SUSD6: variants seen among roughly 807,000 people sequenced by gnomAD.
The protein encoded by SUSD6 is sushi domain-containing protein 6.
A neutral mutation model predicts 28.4 loss-of-function variants in SUSD6; 16 were observed. That is an observed-to-expected ratio of 0.56 (90% CI 0.38 to 0.86). The LOEUF (loss-of-function observed/expected upper bound fraction) is 0.86. Among genes scored for constraint, SUSD6 ranks in the 40% least tolerant of loss-of-function variants. The pLI is 0.00. For synonymous variants in SUSD6, 147 were observed against 159.6 expected (o/e 0.92, Z 0.59); for missense variants, 341 against 384.2 (o/e 0.89, Z 0.94).
At chr14:69,677,957 G>A (rs898227678) in intron 2 of SUSD6, among the ~76,000 whole-genome samples, 1 of 152,200 alleles carries the variant, frequency 6.6e-6, no homozygotes, top group African/African-American at 2.4e-5. Context: ...TTGCCTCCCA[G>A]ATTTAATATT....
intron 1 of SUSD6, among the ~76,000 whole-genome samples, chr14:69,650,005 T>C (rs1885480389): frequency 1.3e-5 from 2 of 152,304 alleles, no homozygotes; most frequent in East Asian, 1.9e-4. Context: ...GAAACTAATA[T>C]TATTTTAGGA....
At chr14:69,662,953 G>A (rs1885684841) in intron 2 of SUSD6, among the ~76,000 whole-genome samples, 1 of 152,238 alleles carries the variant, frequency 6.6e-6, no homozygotes, top group African/African-American at 2.4e-5. Flanking sequence ...ATTGGTATGT[G>A]ACCTACTGTT....
chr14:69,686,814 A>T (rs1886080461), intron 2 of SUSD6, among the ~76,000 whole-genome samples: 1 of 152,084 alleles, frequency 6.6e-6, no homozygotes, highest in Admixed American at 6.5e-5. Flanking sequence ...TGTGGGAATT[A>T]TGGGAGCTAC....
chr14:69,687,708 A>G (rs191730440), intron 2 of SUSD6, among the ~76,000 whole-genome samples: 5 of 152,326 alleles, frequency 3.3e-5, no homozygotes, highest in Admixed American at 3.3e-4. Flanking sequence ...TTATAGCAGT[A>G]TTGTGGGCTT....
At chr14:69,671,668 T>C (rs1378559941) in intron 2 of SUSD6, among the ~76,000 whole-genome samples, 1 of 152,196 alleles carries the variant, frequency 6.6e-6, no homozygotes, top group African/African-American at 2.4e-5. Flanking sequence ...ATTCCAGGAT[T>C]TGTCCTCTTG....
chr14:69,622,837 G>A (rs1016415047), intron 1 of SUSD6, among the ~76,000 whole-genome samples: 1 of 152,146 alleles, frequency 6.6e-6, no homozygotes, highest in African/African-American at 2.4e-5. Context: ...CAAGTGATCT[G>A]CCCACTTTGG....
At chr14:69,637,958 G>C (rs1247522179) in intron 1 of SUSD6, among the ~76,000 whole-genome samples, 2 of 152,102 alleles carry the variant, frequency 1.3e-5, no homozygotes, top group Non-Finnish European at 2.9e-5. Context: ...GCTTCATCCA[G>C]GTCTTGGTTT....
intron 1 of SUSD6, among the ~76,000 whole-genome samples, chr14:69,654,066 G>A (rs779292542): frequency 1.3e-5 from 2 of 152,046 alleles, no homozygotes; most frequent in Non-Finnish European, 2.9e-5. Flanking sequence ...CACCTGTCCC[G>A]TCTTAGGCTT....
intron 1 of SUSD6, among the ~76,000 whole-genome samples, chr14:69,650,225 G>A (rs1450806021): frequency 6.6e-6 from 1 of 152,048 alleles, no homozygotes; most frequent in Admixed American, 6.6e-5. Flanking sequence ...GTCTAGTGGG[G>A]GTCAGTCACG....
At chr14:69,633,227 C>G (rs1418239731) in intron 1 of SUSD6, among the ~76,000 whole-genome samples, 2 of 152,264 alleles carry the variant, frequency 1.3e-5, no homozygotes, top group Non-Finnish European at 2.9e-5. Context: ...GCCTGTTTTT[C>G]ATGGCTGTGC....
At chr14:69,630,537 A>T (rs1048660102) in intron 1 of SUSD6, among the ~76,000 whole-genome samples, 4 of 152,222 alleles carry the variant, frequency 2.6e-5, no homozygotes, top group African/African-American at 9.6e-5. Flanking sequence ...GTGAGCTCAC[A>T]TATGTAGATG....
chr14:69,693,950 A>G (rs1007276483), intron 2 of SUSD6, among the ~76,000 whole-genome samples: 1 of 152,196 alleles, frequency 6.6e-6, no homozygotes, highest in African/African-American at 2.4e-5. Flanking sequence ...TCTGTTATTG[A>G]CTCATCTCAA....
At chr14:69,668,981 G>A (rs1885787513) in intron 2 of SUSD6, among the ~76,000 whole-genome samples, 1 of 150,244 alleles carries the variant, frequency 6.7e-6, no homozygotes, top group South Asian at 2.1e-4. Context: ...TGTACAGCTT[G>A]CAGAACCGTG....
intron 2 of SUSD6, among the ~76,000 whole-genome samples, chr14:69,684,945 A>G (rs746810493): frequency 6.7e-6 from 1 of 149,678 alleles, no homozygotes; most frequent in Non-Finnish European, 1.5e-5. Context: ...AACTGCTGGT[A>G]TATAAACTGC....
intron 1 of SUSD6, among the ~76,000 whole-genome samples, chr14:69,643,771 T>C (rs1054178120): frequency 6.6e-6 from 1 of 152,224 alleles, no homozygotes; most frequent in Non-Finnish European, 1.5e-5. Context: ...GTGTGACTCA[T>C]TGACTCTGTA....
chr14:69,684,179 C>T lies in SUSD6; in HGVS notation c.122-19216C>T, dbSNP rs146923555. On this transcript the variant is annotated intron_variant, in intron 2 of 5. Coordinates refer to ENST00000342745, the MANE Select transcript of SUSD6 (RefSeq NM_014734.4). ...GCTGGTCGTTGGAGAATGAGATTGG[C>T]CAGGAGATACTGTCCAGGTCCAAGT... Among the ~76,000 whole-genome samples, 202 of 152,310 alleles carry T rather than the reference C, an allele frequency of 1.3e-3. 2 individuals carry two copies. The highest frequency in any genetic ancestry group is 4.8e-3 in the African/African-American group (198 of 41,570).
intron 2 of SUSD6, among the ~76,000 whole-genome samples, chr14:69,697,764 G>T (rs1308887110): frequency 6.6e-6 from 1 of 152,068 alleles, no homozygotes; most frequent in Non-Finnish European, 1.5e-5. Context: ...CCTGGGTGCC[G>T]ATGAATGATC....
chr14:69,663,766 C>G (rs1311627626), intron 2 of SUSD6, among the ~76,000 whole-genome samples: 1 of 152,152 alleles, frequency 6.6e-6, no homozygotes, highest in Non-Finnish European at 1.5e-5. Flanking sequence ...ATGTCTGACT[C>G]TTGCCTATGG....
At chr14:69,699,367 C>A (rs147878552) in intron 2 of SUSD6, among the ~76,000 whole-genome samples, 2,076 of 152,162 alleles carry the variant, frequency 0.014, 21 homozygotes, top group Middle Eastern at 0.031. Context: ...CCACACCTGG[C>A]TAATTTTTGT....
Sources: allele counts gnomAD v4.1 joint callset (sites outside exome capture counted in the v4.1 genomes callset), GRCh38; gene constraint gnomAD v4.1.1; transcripts MANE v1.5; gene names NCBI Gene and HGNC (gene_info 2026-07-23, HGNC 2026-07-21).